KCNH5: variants seen among roughly 807,000 people sequenced by gnomAD.
KCNH5 encodes voltage-gated delayed rectifier potassium channel KCNH5.
A neutral mutation model predicts 96.1 loss-of-function variants in KCNH5; 46 were observed. The observed-to-expected ratio is 0.48, with a 90% confidence interval of 0.38 to 0.61. The LOEUF (loss-of-function observed/expected upper bound fraction) is 0.61. Ranked by LOEUF, KCNH5 falls within the 20% of genes least tolerant of loss-of-function variation. KCNH5 has a pLI of 0.00. For synonymous variants in KCNH5, 439 were observed against 449.8 expected (o/e 0.98, Z 0.30); for missense variants, 907 against 1,225.8 (o/e 0.74, Z 3.88).
chr14:62,772,979 A>ATCCTGAAC, intron 10 of KCNH5, among the ~76,000 whole-genome samples: 1 of 152,324 alleles, frequency 6.6e-6, no homozygotes, highest in African/African-American at 2.4e-5. Context: ...TATTAGTTTT[A>ATCCTGAAC]TCCTGAACCA....
At chr14:62,860,590 G>A (rs766256970) in intron 7 of KCNH5, among the ~76,000 whole-genome samples, 1 of 152,062 alleles carries the variant, frequency 6.6e-6, no homozygotes, top group Non-Finnish European at 1.5e-5. Flanking sequence ...CAACTGTCAG[G>A]CCACCATAGA....
chr14:62,740,732 T>C (rs566194747), intron 10 of KCNH5, among the ~76,000 whole-genome samples: 4 of 152,302 alleles, frequency 2.6e-5, no homozygotes, highest in African/African-American at 9.6e-5. Flanking sequence ...TAGTGAACTC[T>C]GCATTGCACA....
At position 62,848,571 on chromosome 14, in the gene KCNH5, T is replaced by G. The variant is rs183484238; in HGVS notation, c.1569+1082A>C. Among the ~76,000 whole-genome samples the G allele has an allele frequency of 9.9e-4, 151 of 152,278 alleles. 1 individual carries two copies. The highest frequency in any genetic ancestry group is 1.9e-3 in the Non-Finnish European group (129 of 68,034). ...TCTCCCTCAACTCCTAAGTTCCTCGTCCATTCCCTATGCCTCCACTCAACC... is the reference window on the plus strand; with the variant it reads ...TCTCCCTCAACTCCTAAGTTCCTCGGCCATTCCCTATGCCTCCACTCAACC... On this transcript the variant is annotated intron_variant, in intron 8 of 10. Coordinates refer to ENST00000322893, the MANE Select transcript of KCNH5 (RefSeq NM_139318.5).
chr14:62,945,493 T>C (rs1255193585), intron 7 of KCNH5, among the ~76,000 whole-genome samples: 3 of 152,156 alleles, frequency 2.0e-5, no homozygotes, highest in African/African-American at 4.8e-5. Context: ...AAAATTAAGA[T>C]TGAGCACAAA....
At chr14:62,989,366 A>T (rs937120359) in intron 4 of KCNH5, among the ~76,000 whole-genome samples, 1 of 152,106 alleles carries the variant, frequency 6.6e-6, no homozygotes, top group African/African-American at 2.4e-5. Flanking sequence ...CAGCCTTATT[A>T]AAATCAATAG....
intron 1 of KCNH5, among the ~76,000 whole-genome samples, chr14:63,037,848 G>T (rs1891751490): frequency 6.6e-6 from 1 of 152,128 alleles, no homozygotes; most frequent in African/African-American, 2.4e-5. Context: ...GATTCCCAGG[G>T]ATAAAACTCA....
Position 62,934,656 on chromosome 14 carries a change from A to G in KCNH5, c.1369+15477T>C, listed in dbSNP as rs972425745. ...ACAGTGGCAGTCACTTTTCAAGAGG[A>G]GTGTGGTAACAGCTGAGAACAAAGA... On this transcript the variant is annotated intron_variant, in intron 7 of 10. Coordinates refer to ENST00000322893, the MANE Select transcript of KCNH5 (RefSeq NM_139318.5). 1.2e-4 allele frequency among the ~76,000 whole-genome samples: 18 copies of G among 152,172 alleles called. 1 individual carries two copies. The highest frequency in any genetic ancestry group is 5.9e-4 in the Admixed American group (9 of 15,264).
rs112787739 is a variant in KCNH5 at position 62,879,873 on chromosome 14, T to A, written c.1370-30021A>T. 2.4e-4 allele frequency among the ~76,000 whole-genome samples: 37 copies of A among 152,276 alleles called. 2 individuals carry two copies. Among genetic ancestry groups the A allele is most frequent in the African/African-American group, 7.7e-4 (32 of 41,580 alleles). On this transcript the variant is annotated intron_variant, in intron 7 of 10. Transcript: ENST00000322893. Reference sequence around the variant, plus strand: ...GCTCATTATACAAAAGCAAATGTCATCCATGTCTTCTAATCATAACACAGT... The same window carrying A: ...GCTCATTATACAAAAGCAAATGTCAACCATGTCTTCTAATCATAACACAGT...
At chr14:62,726,696 G>C (rs1036936272) in intron 10 of KCNH5, among the ~76,000 whole-genome samples, 8 of 152,052 alleles carry the variant, frequency 5.3e-5, no homozygotes, top group Admixed American at 3.9e-4. Context: ...TGCTTGATGA[G>C]TATCTACTAA....
chr14:62,707,124 A>G lies in KCNH5; in HGVS notation c.*384T>C, dbSNP rs1443542042. 6.5e-6 allele frequency: 1 copy of G among 152,728 alleles called. No individual in the cohort carries two copies. The highest frequency in any genetic ancestry group is 6.5e-5 in the Admixed American group (1 of 15,300). 9.5% of individuals were successfully genotyped at this position (152,728 alleles called of 1,614,324 possible). ...TAATCTATACTTTTAACTTAACAGA[A>G]CAGTGAGAAAATGATAGCTCGATAT... On this transcript the variant is annotated 3_prime_UTR_variant, in exon 11 of 11. Coordinates refer to ENST00000322893, the MANE Select transcript of KCNH5 (RefSeq NM_139318.5).
At chr14:62,860,196 T>C (rs1230248990) in intron 7 of KCNH5, among the ~76,000 whole-genome samples, 1 of 151,730 alleles carries the variant, frequency 6.6e-6, no homozygotes, top group African/African-American at 2.4e-5. Flanking sequence ...AAAAGGAGAG[T>C]AGTTATCTGC....
intron 4 of KCNH5, among the ~76,000 whole-genome samples, chr14:62,994,562 C>A (rs994542748): frequency 6.6e-6 from 1 of 151,994 alleles, no homozygotes; most frequent in Non-Finnish European, 1.5e-5. Flanking sequence ...ATAACGGGAA[C>A]ACTTTGCCCC....
chr14:62,930,109 T>G (rs1889552781), intron 7 of KCNH5, among the ~76,000 whole-genome samples: 1 of 152,166 alleles, frequency 6.6e-6, no homozygotes, highest in Non-Finnish European at 1.5e-5. Context: ...CACATGTGTC[T>G]TTTTGTTATA....
At chr14:62,747,476 A>G (rs1236736398) in intron 10 of KCNH5, among the ~76,000 whole-genome samples, 1 of 152,232 alleles carries the variant, frequency 6.6e-6, no homozygotes, top group Non-Finnish European at 1.5e-5. Flanking sequence ...ATATTTGTAT[A>G]ATAACTCTAT....
At chr14:62,901,248 G>A (rs939245235) in intron 7 of KCNH5, among the ~76,000 whole-genome samples, 3 of 151,484 alleles carry the variant, frequency 2.0e-5, no homozygotes, top group African/African-American at 4.9e-5. Flanking sequence ...TTCAACTTTA[G>A]ATTCAGAGGG....
In KCNH5 at chr14:62,701,935, G is replaced by A. The variant is rs1470119189; in HGVS notation, c.*5573C>T. 2 of 152,000 alleles carry A rather than the reference G, an allele frequency of 1.3e-5. No homozygotes were observed. The highest frequency in any genetic ancestry group is 3.9e-4 in the East Asian group (2 of 5,194). The allele number at this position is 152,000 out of a possible 1,614,324, so 9.4% of individuals were successfully genotyped here. A position where few individuals can be genotyped will look rare whatever the true frequency, so the allele number is the denominator to read the frequency against. On this transcript the variant is annotated 3_prime_UTR_variant, in exon 11 of 11. Coordinates refer to ENST00000322893, the MANE Select transcript of KCNH5 (RefSeq NM_139318.5). The stretch of plus-strand genomic sequence containing the variant: ...TGGTTTGGCCAAGAAGCCAACATCA[G>A]TGCAATCAATAAAAATATCTGAATA...
At chr14:62,744,612 C>G (rs547781458) in intron 10 of KCNH5, among the ~76,000 whole-genome samples, 2 of 152,250 alleles carry the variant, frequency 1.3e-5, no homozygotes, top group South Asian at 4.1e-4. Flanking sequence ...AAGAACTGTT[C>G]ATATCTTGAG....
At chr14:62,753,666 C>T (rs1341145878) in intron 10 of KCNH5, among the ~76,000 whole-genome samples, 2 of 152,104 alleles carry the variant, frequency 1.3e-5, no homozygotes, top group Non-Finnish European at 2.9e-5. Flanking sequence ...GTAAATCTTA[C>T]AGGCCAGGAG....
intron 7 of KCNH5, among the ~76,000 whole-genome samples, chr14:62,900,835 T>A (rs1888910748): frequency 6.6e-6 from 1 of 152,086 alleles, no homozygotes; most frequent in South Asian, 2.1e-4. Context: ...AGGGAGAAGA[T>A]ATTTGTAACA....
Sources: gnomAD v4.1 joint callset for allele counts (sites outside exome capture counted in the v4.1 genomes callset) on GRCh38, gnomAD v4.1.1 for gene constraint, MANE v1.5 for transcripts, NCBI Gene and HGNC (gene_info 2026-07-23, HGNC 2026-07-21) for gene names.